Variants in KIAA1549 observed in about 807,000 individuals in gnomAD.
KIAA1549 encodes the protein KIAA1549.
In KIAA1549, 70 loss-of-function variants were observed where a neutral mutation model predicts 156.4. The ratio of observed to expected loss-of-function variants is 0.45; its 90% confidence interval spans 0.37 to 0.55. KIAA1549 has a LOEUF of 0.55. Among genes scored for constraint, KIAA1549 ranks in the 20% least tolerant of loss-of-function variants. The pLI is 0.00. For missense variants in KIAA1549, 2,428 were observed against 2,540.9 expected (o/e 0.96, Z 0.96); for synonymous variants, 1,103 against 1,066.4 (o/e 1.03, Z -0.67).
rs1343919117 is a variant in KIAA1549 at position 138,981,276 on chromosome 7, C to T, written c.-7G>A. 2 of 973,220 alleles carry T rather than the reference C, an allele frequency of 2.1e-6. No individual in the cohort carries two copies. The highest frequency in any genetic ancestry group is 2.4e-6 in the Non-Finnish European group (2 of 821,724). 60.3% of individuals were successfully genotyped at this position (973,220 alleles called of 1,614,324 possible). On this transcript the variant is annotated 5_prime_UTR_variant, in exon 1 of 20. Coordinates refer to ENST00000422774, the MANE Select transcript of KIAA1549 (RefSeq NM_001164665.2). This position sits in a 1 kb window ranked among gnomAD's most constrained non-coding sequence, Gnocchi z 4.5. ...GGCGCCGCGCCCCCGGCATTCCCGGCCGGCGCCCCGGCCCGGCCTCGCGGC... is the reference window on the plus strand; with the variant it reads ...GGCGCCGCGCCCCCGGCATTCCCGGTCGGCGCCCCGGCCCGGCCTCGCGGC...
intron 16 of KIAA1549, among the ~76,000 whole-genome samples, chr7:138,855,244 C>T (rs1048742781): frequency 5.9e-5 from 9 of 152,166 alleles, no homozygotes; most frequent in Non-Finnish European, 1.0e-4. Context: ...CTAAGAGGCT[C>T]GTGGTAGGTC....
intron 1 of KIAA1549, among the ~76,000 whole-genome samples, chr7:138,919,718 C>T (rs1335808677): frequency 1.3e-5 from 2 of 151,860 alleles, no homozygotes; most frequent in Non-Finnish European, 1.5e-5. Context: ...CCCACAGAAC[C>T]GTAGGATACT....
chr7:138,879,746 G>C, intron 11 of KIAA1549, 93 bp from the exon 12 acceptor site: 4 of 781,304 alleles, frequency 5.1e-6, no homozygotes, highest in Non-Finnish European at 6.1e-6. Context: ...CAGGCTTCCA[G>C]GCAAAACCAG....
At chr7:138,866,385 G>A (rs1188256143) in intron 15 of KIAA1549, among the ~76,000 whole-genome samples, 1 of 152,114 alleles carries the variant, frequency 6.6e-6, no homozygotes, top group East Asian at 1.9e-4. Flanking sequence ...TATAATTTAG[G>A]AGAAAAATAC....
chr7:138,868,722 C>G (rs1296623176), intron 14 of KIAA1549, among the ~76,000 whole-genome samples: 1 of 152,236 alleles, frequency 6.6e-6, no homozygotes. Flanking sequence ...CGTGAGCCAC[C>G]ACGCCTGGCC....
At position 138,837,717 on chromosome 7, in the gene KIAA1549, C is replaced by T. The variant is rs1272271792; in HGVS notation, c.*189G>A. The T allele has an allele frequency of 1.6e-6, 1 of 625,968 alleles. No homozygotes were observed. The highest frequency in any genetic ancestry group is 2.7e-6 in the Non-Finnish European group (1 of 367,400). The allele number at this position is 625,968 out of a possible 1,614,324, so 38.8% of individuals were successfully genotyped here. Reference sequence around the variant, plus strand: ...CTGAACCCAAGTGTTCAGACAATTGCCAGCCCAGTGAAAGGCTCATGAGCT... The same window carrying T: ...CTGAACCCAAGTGTTCAGACAATTGTCAGCCCAGTGAAAGGCTCATGAGCT... On this transcript the variant is annotated 3_prime_UTR_variant, in exon 20 of 20. Transcript: ENST00000422774.
At chr7:138,889,536 G>A (rs561458741) in intron 10 of KIAA1549, among the ~76,000 whole-genome samples, 7 of 152,112 alleles carry the variant, frequency 4.6e-5, no homozygotes, top group African/African-American at 1.2e-4. Context: ...TGCGACACAG[G>A]GTCCCTCAAG....
chr7:138,836,075 TCAGGGGTCTTAAAACTTGACACAGATACA>T lies in KIAA1549; in HGVS notation c.*1802_*1830del. ...ACTTTGGAAACCTGTTTTAGCTGTT[TCAGGGGTCTTAAAACTTGACACAGATACA>T]CAGGTTTTGATCAGTCAGAGCCCCA... On this transcript the variant is annotated 3_prime_UTR_variant, in exon 20 of 20. Transcript: ENST00000422774. The T allele has an allele frequency of 4.7e-6, 1 of 212,966 alleles. No homozygotes were observed. The highest frequency in any genetic ancestry group is 7.0e-5 in the East Asian group (1 of 14,226). 13.2% of individuals were successfully genotyped at this position (212,966 alleles called of 1,614,324 possible). A position where few individuals can be genotyped will look rare whatever the true frequency, so the allele number is the denominator to read the frequency against.
Position 138,903,832 on chromosome 7 carries a change from TGTGTGTGTGTGTGTGTGTGTGCGC to T in KIAA1549, c.3521-120_3521-97del, listed in dbSNP as rs1208172104. ...GTGTGTGTGTGTGTGTGTGTGTGTG[TGTGTGTGTGTGTGTGTGTGTGCGC>T]GCGCGCGCGCGCGCACATATGTATT... On this transcript the variant is annotated intron_variant, in intron 7 of 19. Transcript: ENST00000422774. 107 of 389,452 alleles carry T rather than the reference TGTGTGTGTGTGTGTGTGTGTGCGC, an allele frequency of 2.7e-4. 1 individual carries two copies. Among genetic ancestry groups the T allele is most frequent in the African/African-American group, 1.3e-3 (18 of 13,392 alleles). 24.1% of individuals were successfully genotyped at this position (389,452 alleles called of 1,614,324 possible).
intron 1 of KIAA1549, among the ~76,000 whole-genome samples, chr7:138,963,673 C>T (rs512009): frequency 0.29 from 43,583 of 152,002 alleles, 7,251 homozygotes; most frequent in African/African-American, 0.47. Flanking sequence ...GCCGGCTGTA[C>T]CAGTTAGTTT....
chr7:138,966,777 T>C (rs1198722276), intron 1 of KIAA1549, among the ~76,000 whole-genome samples: 1 of 151,904 alleles, frequency 6.6e-6, no homozygotes, highest in African/African-American at 2.4e-5. Flanking sequence ...TCCAATCGAG[T>C]TGACACTCAA....
chr7:138,930,753 CA>C (rs1420507769), intron 1 of KIAA1549, among the ~76,000 whole-genome samples: 5 of 152,358 alleles, frequency 3.3e-5, no homozygotes, highest in Admixed American at 3.3e-4. Flanking sequence ...TTCTCCGTAT[CA>C]GCAACAAGGC....
chr7:138,912,006 C>G (rs1180947315), intron 3 of KIAA1549, among the ~76,000 whole-genome samples: 1 of 152,220 alleles, frequency 6.6e-6, no homozygotes, highest in Non-Finnish European at 1.5e-5. Flanking sequence ...AAAGATGCAC[C>G]TGTACTCACT....
chr7:138,957,865 CTT>C (rs111591927), intron 1 of KIAA1549, among the ~76,000 whole-genome samples: 2 of 152,256 alleles, frequency 1.3e-5, no homozygotes, highest in African/African-American at 4.8e-5. Context: ...CTTATTCTCT[CTT>C]TGTCCACTTC....
chr7:138,860,599 A>C (rs1010668908), intron 16 of KIAA1549, among the ~76,000 whole-genome samples: 1 of 152,208 alleles, frequency 6.6e-6, no homozygotes, highest in East Asian at 1.9e-4. Context: ...ATAAATGATA[A>C]CAAAGGCAGA....
In KIAA1549 at chr7:138,836,273, G is replaced by A. The variant is rs1809704090; in HGVS notation, c.*1633C>T. The A allele has an allele frequency of 4.9e-6, 1 of 203,776 alleles. No individual in the cohort carries two copies. Among genetic ancestry groups the A allele is most frequent in the Admixed American group, 6.0e-5 (1 of 16,732 alleles). 12.6% of individuals were successfully genotyped at this position (203,776 alleles called of 1,614,324 possible). A position where few individuals can be genotyped will look rare whatever the true frequency, so the allele number is the denominator to read the frequency against. ...TTTTACCATACCTTTTCTATGTTTA[G>A]CTATGTTTAGATACACAAATACTTA... On this transcript the variant is annotated 3_prime_UTR_variant, in exon 20 of 20. Coordinates refer to ENST00000422774, the MANE Select transcript of KIAA1549 (RefSeq NM_001164665.2).
chr7:138,964,682 A>AT (rs1303481433), intron 1 of KIAA1549, among the ~76,000 whole-genome samples: 1 of 152,184 alleles, frequency 6.6e-6, no homozygotes, highest in Non-Finnish European at 1.5e-5. Flanking sequence ...TAATGGAGAT[A>AT]TTTTTTACCT....
intron 1 of KIAA1549, among the ~76,000 whole-genome samples, chr7:138,934,448 T>C (rs918509635): frequency 2.1e-5 from 3 of 139,836 alleles, no homozygotes; most frequent in Admixed American, 7.2e-5. Context: ...CCACTGAAAA[T>C]AGGGAGTGGT....
In KIAA1549 at chr7:138,831,893, C is replaced by A; in HGVS notation, c.*6013G>T. The A allele has an allele frequency of 4.3e-6, 1 of 232,966 alleles. No homozygotes were observed. The highest frequency in any genetic ancestry group is 8.5e-6 in the Non-Finnish European group (1 of 117,874). The allele number at this position is 232,966 out of a possible 1,614,324, so 14.4% of individuals were successfully genotyped here. A position where few individuals can be genotyped will look rare whatever the true frequency, so the allele number is the denominator to read the frequency against. ...GCGTTCCCACTCCCCTTTTCTGAAA[C>A]AAGTCCTCTGGTGCTTAGAGCAACT... On this transcript the variant is annotated 3_prime_UTR_variant, in exon 20 of 20. Transcript: ENST00000422774.
Sources: gnomAD v4.1 joint callset for allele counts (sites outside exome capture counted in the v4.1 genomes callset) on GRCh38, gnomAD v4.1.1 for gene constraint, Gnocchi (gnomAD v3.1) non-coding constraint, MANE v1.5 for transcripts, NCBI Gene and HGNC (gene_info 2026-07-23, HGNC 2026-07-21) for gene names.